Variants in COG5 observed in about 807,000 individuals in gnomAD.
The protein encoded by COG5 is component of oligomeric golgi complex 5, also known as conserved oligomeric Golgi complex subunit 5.
A neutral mutation model predicts 110.4 loss-of-function variants in COG5; 86 were observed. The observed-to-expected ratio is 0.78, with a 90% CI of 0.65 to 0.93. The LOEUF (loss-of-function observed/expected upper bound fraction) is 0.93. COG5 is among the 40% of genes least tolerant of loss of function. The pLI is 0.00. For synonymous variants in COG5, 360 were observed against 334.6 expected, an observed-to-expected ratio of 1.08 and a Z score of -0.83; for missense variants, 1,077 against 987.0, an observed-to-expected ratio of 1.09 and a Z score of -1.22.
At chr7:107,364,295 A>G (rs2129047046) in intron 8 of COG5, among the ~76,000 whole-genome samples, 1 of 152,292 alleles carries the variant, frequency 6.6e-6, no homozygotes, top group Non-Finnish European at 1.5e-5. Context: ...CAACAACAAA[A>G]AAGCCAGTGG....
intron 11 of COG5, among the ~76,000 whole-genome samples, chr7:107,310,774 C>T (rs569116848): frequency 1.3e-5 from 2 of 152,256 alleles, no homozygotes; most frequent in Non-Finnish European, 2.9e-5. Flanking sequence ...GGGCATGCAC[C>T]CAGTACACAC....
At chr7:107,471,533 G>A (rs1172248396) in intron 6 of COG5, 1 of 151,336 alleles carries the variant, frequency 6.6e-6, no homozygotes, top group Non-Finnish European at 1.5e-5. Flanking sequence ...CATTACTGAT[G>A]GAATATAAAA....
chr7:107,208,767 G>C (rs1303290351), intron 21 of COG5: 1 of 985,458 alleles, frequency 1.0e-6, no homozygotes, highest in Non-Finnish European at 1.2e-6. Context: ...CATACGCCCA[G>C]AGGGCCAGTG....
intron 20 of COG5, 130 bp downstream of exon 20, chr7:107,210,969 G>A (rs1285905949): frequency 4.4e-5 from 49 of 1,118,818 alleles, no homozygotes; most frequent in Non-Finnish European, 6.6e-5. Flanking sequence ...TCTATTCACT[G>A]TCAAAGATAG....
chr7:107,557,213 A>G (rs539941651), intron 2 of COG5, among the ~76,000 whole-genome samples: 1 of 152,202 alleles, frequency 6.6e-6, no homozygotes, highest in Non-Finnish European at 1.5e-5. Flanking sequence ...GATCAAGTGG[A>G]TATGTCTCAG....
intron 7 of COG5, among the ~76,000 whole-genome samples, chr7:107,398,734 T>C (rs998303000): frequency 3.9e-5 from 6 of 152,182 alleles, no homozygotes; most frequent in Admixed American, 3.3e-4. Context: ...TGTATTTATA[T>C]AAAATTTTCA....
intron 16 of COG5, among the ~76,000 whole-genome samples, chr7:107,248,996 T>A (rs1175849069): frequency 1.3e-5 from 2 of 152,214 alleles, no homozygotes; most frequent in Admixed American, 6.5e-5. Context: ...TAGGAGTTTG[T>A]TGTGTCATGG....
Position 107,551,983 on chromosome 7 carries a change from G to T in COG5, c.292+2302C>A, listed in dbSNP as rs544147509. Among the ~76,000 whole-genome samples, 6 of 152,282 alleles carry T rather than the reference G, an allele frequency of 3.9e-5. 1 individual carries two copies. In the South Asian group the frequency reaches 1.2e-3, roughly 32 times the overall value. ...CTGAGATAATCATAGGAAAAAAGTA[G>T]CCAGCCTTTGTACTCTACACACTCA... On this transcript the variant is annotated intron_variant, in intron 3 of 21. Coordinates refer to ENST00000297135, the MANE Select transcript of COG5 (RefSeq NM_006348.5).
chr7:107,512,595 C>T (rs1799607295), intron 6 of COG5, among the ~76,000 whole-genome samples: 1 of 152,194 alleles, frequency 6.6e-6, no homozygotes, highest in African/African-American at 2.4e-5. Flanking sequence ...CCAAGTCAAT[C>T]CTAAGCCAAA....
intron 7 of COG5, among the ~76,000 whole-genome samples, chr7:107,383,253 C>T (rs1286731981): frequency 6.6e-6 from 1 of 152,106 alleles, no homozygotes; most frequent in African/African-American, 2.4e-5. Context: ...GTCCATGCAA[C>T]CCCTCCGAGA....
intron 11 of COG5, among the ~76,000 whole-genome samples, chr7:107,322,862 G>A (rs553126342): frequency 6.6e-6 from 1 of 152,184 alleles, no homozygotes; most frequent in East Asian, 1.9e-4. Context: ...TCTACACAAT[G>A]GAATACAATT....
intron 7 of COG5, among the ~76,000 whole-genome samples, chr7:107,380,056 C>T (rs924955299): frequency 6.6e-6 from 1 of 152,124 alleles, no homozygotes; most frequent in Non-Finnish European, 1.5e-5. Flanking sequence ...TGCAAAAGAA[C>T]GGAAATCCTA....
chr7:107,402,802 T>A (rs1791536451), intron 7 of COG5, among the ~76,000 whole-genome samples: 1 of 152,170 alleles, frequency 6.6e-6, no homozygotes. Context: ...ATTCTGTGCA[T>A]CCCCAGAAGA....
intron 12 of COG5, among the ~76,000 whole-genome samples, chr7:107,294,001 G>A (rs1370491272): frequency 1.3e-5 from 2 of 152,088 alleles, no homozygotes; most frequent in African/African-American, 4.8e-5. Flanking sequence ...GAACCCAGGA[G>A]ACAAAAGTTG....
In COG5 at chr7:107,312,176, T is replaced by C. The variant is rs1023780256; in HGVS notation, c.1108+12264A>G. Among the ~76,000 whole-genome samples the C allele has an allele frequency of 3.3e-5, 5 of 152,200 alleles. No homozygotes were observed. The East Asian group carries it at 5.8e-4, about 18-fold the overall frequency. On this transcript the variant is annotated intron_variant, in intron 11 of 21. Coordinates refer to ENST00000297135, the MANE Select transcript of COG5 (RefSeq NM_006348.5). ...TCATATTTGGGTCTCCTTTAGCTTA[T>C]GTCTGTTTTTAAAAATTAAGATTAT... is the stretch of plus-strand genomic sequence containing the variant.
At chr7:107,296,882 T>C (rs991944745) in intron 12 of COG5, among the ~76,000 whole-genome samples, 1 of 152,222 alleles carries the variant, frequency 6.6e-6, no homozygotes, top group African/African-American at 2.4e-5. Flanking sequence ...GATAAGAAAC[T>C]GCTACTGCTT....
rs746103526 is a variant in COG5 at position 107,559,012 on chromosome 7, C to CTA, written c.95-899_95-898dup. 1.3e-3 allele frequency among the ~76,000 whole-genome samples: 186 copies of CTA among 146,576 alleles called. 1 individual carries two copies. The highest frequency in any genetic ancestry group is 3.6e-3 in the Middle Eastern group (1 of 276). On this transcript the variant is annotated intron_variant, in intron 1 of 21. Coordinates refer to ENST00000297135, the MANE Select transcript of COG5 (RefSeq NM_006348.5). ...TGAAAAGACAACAGGAAAATTGACT[C>CTA]TATATATATATATACACATATGTAA...
In COG5 at chr7:107,201,609, G is replaced by T; in HGVS notation, c.*1907C>A. ...GTGAGGATTTGCTTTCTCCATTAGAGCATTAAGCTAAAACTATCAACATTT... is the reference window on the plus strand; with the variant it reads ...GTGAGGATTTGCTTTCTCCATTAGATCATTAAGCTAAAACTATCAACATTT... On this transcript the variant is annotated 3_prime_UTR_variant, in exon 22 of 22. Transcript: ENST00000297135. 1 of 452,182 alleles carries T rather than the reference G, an allele frequency of 2.2e-6. No homozygotes were observed. The highest frequency in any genetic ancestry group is 4.0e-6 in the Non-Finnish European group (1 of 247,856). The allele number at this position is 452,182 out of a possible 1,614,324, so 28.0% of individuals were successfully genotyped here.
intron 12 of COG5, among the ~76,000 whole-genome samples, chr7:107,291,189 G>A (rs527968252): frequency 1.3e-5 from 2 of 152,184 alleles, no homozygotes. Flanking sequence ...CTATAACATA[G>A]ATGTTGGTAT....
Sources: gnomAD v4.1 joint callset for allele counts (sites outside exome capture counted in the v4.1 genomes callset) on GRCh38, gnomAD v4.1.1 for gene constraint, MANE v1.5 for transcripts, NCBI Gene and HGNC (gene_info 2026-07-23, HGNC 2026-07-21) for gene names.